The following STARD9 variants were observed in gnomAD, a reference collection of about 807,000 sequenced individuals.
The protein encoded by STARD9 is stAR-related lipid transfer protein 9.
Under a neutral mutation model 399.8 loss-of-function variants are expected in STARD9, and 346 were observed. The ratio of observed to expected loss-of-function variants is 0.87; its 90% confidence interval spans 0.79 to 0.95. The LOEUF (loss-of-function observed/expected upper bound fraction) is 0.95, where lower values mean the gene tolerates loss of function less well. STARD9 is among the 40% of genes least tolerant of loss of function. The probability of loss-of-function intolerance (pLI) is 0.00; values close to 1 mark genes in which losing one functional copy is unlikely to be tolerated. For synonymous variants in STARD9, 2,203 were observed against 2,143.5 expected, an observed-to-expected ratio of 1.03 and a Z score of -0.77; for missense variants, 5,832 against 5,667.5, an observed-to-expected ratio of 1.03 and a Z score of -0.93.
At chr15:42,675,806 A>G in intron 19 of STARD9, 60 bp downstream of exon 19, 2 of 1,534,728 alleles carry the variant, frequency 1.3e-6, no homozygotes, top group Non-Finnish European at 1.7e-6. Flanking sequence ...CTTTTAGATG[A>G]AAAGCCAAGC....
chr15:42,607,193 G>GTTTTTTT (rs2058745768), intron 3 of STARD9, among the ~76,000 whole-genome samples: 1 of 31,698 alleles, frequency 3.2e-5, no homozygotes, highest in East Asian at 2.4e-3. Flanking sequence ...TTTTTCTGGT[G>GTTTTTTT]CTTTTTTTTT....
intron 26 of STARD9, among the ~76,000 whole-genome samples, chr15:42,715,132 T>G (rs958908891): frequency 6.6e-6 from 1 of 150,854 alleles, no homozygotes; most frequent in Non-Finnish European, 1.5e-5. Flanking sequence ...TGGAAGTGAT[T>G]CTGTCAGTGA....
At chr15:42,622,350 C>CCTCTCT (rs141452327) in intron 3 of STARD9, among the ~76,000 whole-genome samples, 2 of 148,988 alleles carry the variant, frequency 1.3e-5, no homozygotes, top group East Asian at 1.9e-4. Flanking sequence ...TCTCTCTCTC[C>CCTCTCT]CTCTCTCTCT....
Position 42,689,991 on chromosome 15 carries a change from C to G in STARD9, c.8413C>G (p.Gln2805Glu), listed in dbSNP as rs1280615063. ...EVSDNLLVTAQGEKTAHFESQ... is the reference protein window; with the variant it reads ...EVSDNLLVTAEGEKTAHFESQ... ...TTCAGATAATTTGTTAGTGACTGCA[C>G]AGGGAGAAAAAACAGCCCATTTTGA... The change falls in exon 23 of 33, where the codon CAG becomes GAG. Residue 2805 changes from glutamine to glutamate, a missense_variant. Physicochemically the swap from Gln to Glu is conservative, Grantham distance 29. This residue lies in a region of STARD9 where 5,828 missense variants were observed against 5,651.1 expected (regional missense o/e 1.03). Transcript: ENST00000290607. 2.6e-6 allele frequency: 4 copies of G among 1,537,378 alleles called. No homozygotes were observed. The highest frequency in any genetic ancestry group is 3.5e-6 in the Non-Finnish European group (4 of 1,146,982).
intron 26 of STARD9, among the ~76,000 whole-genome samples, chr15:42,711,859 C>T (rs1040299998): frequency 6.7e-6 from 1 of 149,610 alleles, no homozygotes; most frequent in Non-Finnish European, 1.5e-5. Context: ...GTTGCAGGAT[C>T]ATAGAGGAAC....
chr15:42,581,601 CT>C, intron 1 of STARD9: 1 of 729,278 alleles, frequency 1.4e-6, no homozygotes, highest in Non-Finnish European at 2.3e-6. Context: ...TCCTCGCTCG[CT>C]TCCTCTAGTT....
Position 42,665,833 on chromosome 15 carries a change from C to A in STARD9, c.1302C>A (p.Leu434=). 2 of 1,537,140 alleles carry A rather than the reference C, an allele frequency of 1.3e-6. No individual in the cohort carries two copies. Among genetic ancestry groups the A allele is most frequent in the Non-Finnish European group, 1.7e-6 (2 of 1,146,840 alleles). The part of the protein sequence containing the change: ...LSDENLKELV[L]QNELKIDQLT... ...ATGAAAACCTGAAGGAGCTGGTTCT[C>A]CAAAATGAATTGAAGGTGGGTGTGT... The change falls in exon 15 of 33, where the codon CTC becomes CTA. Residue 434 remains leucine (L), a synonymous_variant. Transcript: ENST00000290607.
chr15:42,684,527 T>G lies in STARD9; in HGVS notation c.2949T>G (p.Pro983=). 6.5e-7 allele frequency: 1 copy of G among 1,537,212 alleles called. No individual in the cohort carries two copies. The highest frequency in any genetic ancestry group is 1.2e-5 in the South Asian group (1 of 84,066). ...QTRGAKGLAD[P]SHTQAGWRKE... ...GAGGGGCGAAGGGACTAGCAGACCC[T>G]AGCCACACACAAGCTGGGTGGCGAA... The change falls in exon 23 of 33, where the codon CCT becomes CCG. Residue 983 remains proline (P), a synonymous_variant. Transcript: ENST00000290607.
At chr15:42,600,531 T>C (rs1191780986) in intron 3 of STARD9, among the ~76,000 whole-genome samples, 2,403 of 150,008 alleles carry the variant, frequency 0.016, 66 homozygotes, top group African/African-American at 0.058. Flanking sequence ...TCTTTCTTTT[T>C]TTTTTTTTTT....
At chr15:42,702,241 T>A (rs1201524440) in intron 26 of STARD9, among the ~76,000 whole-genome samples, 2 of 152,256 alleles carry the variant, frequency 1.3e-5, no homozygotes, top group Admixed American at 1.3e-4. Context: ...TCTTGCTCTG[T>A]CGCCCAAGCT....
At chr15:42,658,909 C>T (rs1037445522) in intron 9 of STARD9, among the ~76,000 whole-genome samples, 2 of 151,976 alleles carry the variant, frequency 1.3e-5, no homozygotes, top group Non-Finnish European at 2.9e-5. Context: ...GATCGGGGGT[C>T]GAGACCAGCC....
chr15:42,631,435 C>A (rs919844189), intron 3 of STARD9, among the ~76,000 whole-genome samples: 39 of 151,870 alleles, frequency 2.6e-4, no homozygotes, highest in African/African-American at 7.7e-4. Flanking sequence ...ACAAAAAAAA[C>A]CAGGCGTGGT....
chr15:42,581,315 A>T (rs2058163873), intron 1 of STARD9: 1 of 1,275,120 alleles, frequency 7.8e-7, no homozygotes, highest in Non-Finnish European at 1.1e-6. Context: ...GATCCAACAG[A>T]AACTTTCTAT....
rs1195216429 is a variant in STARD9 at position 42,662,910 on chromosome 15, T to C, written c.868+19T>C. On this transcript the variant is annotated intron_variant, in intron 11 of 32. Transcript: ENST00000290607. Reference sequence around the variant, plus strand: ...ACCTTAGGTATTTTCTGATAGATAATGGGAGTGGGAGGGAGAGTTCGGAAA... The same window carrying C: ...ACCTTAGGTATTTTCTGATAGATAACGGGAGTGGGAGGGAGAGTTCGGAAA... 2.7e-6 allele frequency: 4 copies of C among 1,467,870 alleles called. No individual in the cohort carries two copies. The highest frequency in any genetic ancestry group is 2.8e-6 in the Non-Finnish European group (3 of 1,083,712). The allele number at this position is 1,467,870 out of a possible 1,614,324, so 90.9% of individuals were successfully genotyped here.
chr15:42,663,164 T>G, intron 11 of STARD9, 117 bp from the exon 12 acceptor site: 5 of 975,376 alleles, frequency 5.1e-6, no homozygotes, highest in Non-Finnish European at 7.4e-6. Flanking sequence ...TCCTATTGTA[T>G]GCAGAAGGGA....
At chr15:42,624,919 AAAGG>A (rs1292892533) in intron 3 of STARD9, among the ~76,000 whole-genome samples, 3 of 152,238 alleles carry the variant, frequency 2.0e-5, no homozygotes, top group Admixed American at 6.5e-5. Context: ...ATTTTTCTAA[AAAGG>A]AATAAAGTTT....
intron 3 of STARD9, among the ~76,000 whole-genome samples, chr15:42,631,496 C>T (rs1457808249): frequency 6.6e-6 from 1 of 151,826 alleles, no homozygotes; most frequent in African/African-American, 2.4e-5. Context: ...ATGAGAATTG[C>T]TTGAACTCGG....
chr15:42,693,153 C>A lies in STARD9; in HGVS notation c.11575C>A (p.Pro3859Thr). Residue 3859 changes from proline (P) to threonine (T), a missense_variant, in exon 23 of 33, where the codon CCC (proline) becomes ACC (threonine). Pro to Thr is a conservative substitution (Grantham distance 38). Transcript: ENST00000290607. ...GTCATATTGCTTAGTTGTCAGCAGTCCCAGTCCCAGCTCCCCTCATTCCCC... is the reference window on the plus strand; with the variant it reads ...GTCATATTGCTTAGTTGTCAGCAGTACCAGTCCCAGCTCCCCTCATTCCCC... ...EESYCLVVSS[P>T]SPSSPHSPGL... 6.5e-7 allele frequency: 1 copy of A among 1,537,142 alleles called. No homozygotes were observed. Among genetic ancestry groups the A allele is most frequent in the Non-Finnish European group, 8.7e-7 (1 of 1,146,896 alleles).
At chr15:42,600,862 CT>C (rs58223128) in intron 3 of STARD9, among the ~76,000 whole-genome samples, 2,993 of 128,048 alleles carry the variant, frequency 0.023, 89 homozygotes, top group African/African-American at 0.075. Context: ...GTTTTTCTTT[CT>C]TTTTTTTTTT....
Sources: allele counts gnomAD v4.1 joint callset (sites outside exome capture counted in the v4.1 genomes callset), GRCh38; gene constraint gnomAD v4.1.1; regional missense constraint gnomAD v4.1.1; transcripts MANE v1.5; gene names NCBI Gene and HGNC (gene_info 2026-07-23, HGNC 2026-07-21).